The following AHCYL2 variants were observed in gnomAD, a reference collection of about 807,000 sequenced individuals.
AHCYL2 encodes the protein adenosylhomocysteinase like 2, also known as S-adenosylhomocysteine hydrolase-like protein 2.
In AHCYL2, 28 loss-of-function variants were observed where a neutral mutation model predicts 81.4. The observed-to-expected ratio is 0.34, with a 90% CI of 0.25 to 0.47. The LOEUF (loss-of-function observed/expected upper bound fraction) is 0.47. Ranked by LOEUF, AHCYL2 falls within the 20% of genes least tolerant of loss-of-function variation. The pLI is 1.00. For missense variants in AHCYL2, 551 were observed against 785.1 expected (o/e 0.70, Z 3.56); for synonymous variants, 272 against 290.2 (o/e 0.94, Z 0.64).
chr7:129,384,430 G>A (rs1223429234), intron 2 of AHCYL2, among the ~76,000 whole-genome samples: 3 of 150,872 alleles, frequency 2.0e-5, no homozygotes, highest in African/African-American at 7.3e-5. Context: ...CCAGCACTTA[G>A]AACTGTGTTT....
chr7:129,257,470 G>T (rs1353640443), intron 1 of AHCYL2, among the ~76,000 whole-genome samples: 1 of 152,074 alleles, frequency 6.6e-6, no homozygotes, highest in African/African-American at 2.4e-5. Context: ...GGGTGGAGGG[G>T]CAAAAGGGTC....
At chr7:129,359,850 G>A (rs1227133881) in intron 1 of AHCYL2, among the ~76,000 whole-genome samples, 1 of 152,196 alleles carries the variant, frequency 6.6e-6, no homozygotes, top group East Asian at 1.9e-4. Context: ...AGTAGAGAAG[G>A]TAGCTTAGTG....
intron 1 of AHCYL2, among the ~76,000 whole-genome samples, chr7:129,279,510 G>T (rs184457285): frequency 2.0e-5 from 3 of 152,246 alleles, no homozygotes; most frequent in Admixed American, 2.0e-4. Context: ...CCCTGGAAAG[G>T]GGTCCTAATC....
intron 1 of AHCYL2, among the ~76,000 whole-genome samples, chr7:129,247,538 A>G (rs1795103723): frequency 6.6e-6 from 1 of 152,000 alleles, no homozygotes; most frequent in South Asian, 2.1e-4. Flanking sequence ...CTGATGATGT[A>G]TTTTAAAGAG....
At chr7:129,296,326 T>C (rs1198974096) in intron 1 of AHCYL2, among the ~76,000 whole-genome samples, 1 of 152,208 alleles carries the variant, frequency 6.6e-6, no homozygotes, top group Admixed American at 6.5e-5. Context: ...AGACTTTTCT[T>C]CCAATTAAGT....
At chr7:129,420,460 G>A (rs1797059191) in intron 12 of AHCYL2, among the ~76,000 whole-genome samples, 1 of 150,228 alleles carries the variant, frequency 6.7e-6, no homozygotes, top group Admixed American at 6.6e-5. Flanking sequence ...TCTCAAAATG[G>A]TCTGTTTGCT....
At chr7:129,347,046 A>G (rs536949429) in intron 1 of AHCYL2, among the ~76,000 whole-genome samples, 65 of 152,334 alleles carry the variant, frequency 4.3e-4, no homozygotes, top group African/African-American at 1.5e-3. Context: ...AAAAGGCTAC[A>G]TACTGTATGA....
chr7:129,332,110 A>G (rs1798445819), intron 1 of AHCYL2, among the ~76,000 whole-genome samples: 1 of 152,142 alleles, frequency 6.6e-6, no homozygotes, highest in African/African-American at 2.4e-5. Flanking sequence ...AAAAAAAGTT[A>G]TAAGATGATA....
chr7:129,316,106 A>G (rs924450143), intron 1 of AHCYL2, among the ~76,000 whole-genome samples: 2 of 152,220 alleles, frequency 1.3e-5, no homozygotes, highest in Admixed American at 6.5e-5. Flanking sequence ...GGCAGCTAAC[A>G]AAGAAGAATT....
chr7:129,381,809 G>A (rs1378239561), intron 2 of AHCYL2, among the ~76,000 whole-genome samples: 2 of 152,094 alleles, frequency 1.3e-5, no homozygotes, highest in East Asian at 1.9e-4. Context: ...AAAACATTAT[G>A]CCTATCAACA....
intron 12 of AHCYL2, among the ~76,000 whole-genome samples, chr7:129,415,803 A>C (rs1444955193): frequency 6.6e-6 from 1 of 152,058 alleles, no homozygotes; most frequent in African/African-American, 2.4e-5. Flanking sequence ...ATAAAAAAAA[A>C]CAAAATTAGT....
At chr7:129,413,555 T>A (rs777346183) in intron 11 of AHCYL2, 39 bp from the exon 12 acceptor site, 2 of 1,468,554 alleles carry the variant, frequency 1.4e-6, no homozygotes, top group African/African-American at 2.8e-5. Context: ...GTGGATTATC[T>A]TTCTCCACTG....
intron 6 of AHCYL2, among the ~76,000 whole-genome samples, chr7:129,402,984 A>G (rs1204188353): frequency 6.6e-6 from 1 of 152,156 alleles, no homozygotes; most frequent in South Asian, 2.1e-4. Flanking sequence ...TATTTAAACT[A>G]AGTCTTGACT....
At position 129,330,900 on chromosome 7, in the gene AHCYL2, A is replaced by G. The variant is rs140862687; in HGVS notation, c.364-48738A>G. 3.9e-5 allele frequency among the ~76,000 whole-genome samples: 6 copies of G among 152,348 alleles called. No individual in the cohort carries two copies. The East Asian group carries it at 1.2e-3, about 29-fold the overall frequency. The stretch of plus-strand genomic sequence containing the variant: ...AAAGGTCTGGAAGGGTGAACTTCAA[A>G]TCGTTAGTCATCATAAACAACTTCT... On this transcript the variant is annotated intron_variant, in intron 1 of 16. Coordinates refer to ENST00000325006, the MANE Select transcript of AHCYL2 (RefSeq NM_015328.4).
intron 1 of AHCYL2, among the ~76,000 whole-genome samples, chr7:129,284,672 G>C (rs1796566156): frequency 6.6e-6 from 1 of 151,398 alleles, no homozygotes; most frequent in South Asian, 2.1e-4. Flanking sequence ...TCTCACATAT[G>C]GGAGTATGAA....
chr7:129,326,442 G>A (rs907539684), intron 1 of AHCYL2, among the ~76,000 whole-genome samples: 2 of 151,972 alleles, frequency 1.3e-5, no homozygotes, highest in South Asian at 2.1e-4. Context: ...CAGAAGAATC[G>A]CTTGAACCAG....
intron 1 of AHCYL2, among the ~76,000 whole-genome samples, chr7:129,247,218 A>G (rs1406400919): frequency 6.6e-6 from 1 of 152,196 alleles, no homozygotes; most frequent in East Asian, 1.9e-4. Context: ...CATTTTCTTT[A>G]CATCCTTGCC....
At chr7:129,397,524 G>A (rs1584879380) in intron 5 of AHCYL2, among the ~76,000 whole-genome samples, 200 bp downstream of exon 5, 1 of 152,144 alleles carries the variant, frequency 6.6e-6, no homozygotes, top group African/African-American at 2.4e-5. Context: ...TTTTACAGTT[G>A]ACAAATATCT....
At chr7:129,405,527 A>G (rs1403360018) in intron 8 of AHCYL2, 4 of 359,610 alleles carry the variant, frequency 1.1e-5, no homozygotes, top group Non-Finnish European at 1.9e-5. Context: ...AAAAAGGAAA[A>G]AAACCCTTAC....
Sources: allele counts gnomAD v4.1 joint callset (sites outside exome capture counted in the v4.1 genomes callset), GRCh38; gene constraint gnomAD v4.1.1; transcripts MANE v1.5; gene names NCBI Gene and HGNC (gene_info 2026-07-23, HGNC 2026-07-21).